Variants in CNTN6 observed in about 807,000 individuals in gnomAD.
CNTN6 encodes the protein contactin-6.
Under a neutral mutation model 122.8 loss-of-function variants are expected in CNTN6, and 137 were observed. The ratio of observed to expected loss-of-function variants is 1.12; its 90% CI spans 0.97 to 1.29. The LOEUF is 1.29. CNTN6 is among the 50% of genes most tolerant of loss of function. The pLI, the probability that CNTN6 is intolerant of heterozygous loss-of-function variation, is 0.00. For synonymous variants in CNTN6, 570 were observed against 426.0 expected (o/e 1.34, Z -4.16); for missense variants, 1,634 against 1,223.4 (o/e 1.34, Z -5.01).
chr3:1,278,036 T>C (rs1407855225), intron 4 of CNTN6, among the ~76,000 whole-genome samples: 2 of 152,188 alleles, frequency 1.3e-5, no homozygotes. Context: ...ATGGCAACCA[T>C]TAATCTAAGA....
intron 2 of CNTN6, among the ~76,000 whole-genome samples, chr3:1,149,524 CAGG>C (rs1260489628): frequency 4.6e-5 from 7 of 152,044 alleles, no homozygotes; most frequent in Non-Finnish European, 1.0e-4. Flanking sequence ...AGAAATCAAA[CAGG>C]AGAATCAGAA....
At chr3:1,192,434 A>T (rs1053404871) in intron 2 of CNTN6, among the ~76,000 whole-genome samples, 1 of 152,108 alleles carries the variant, frequency 6.6e-6, no homozygotes, top group Non-Finnish European at 1.5e-5. Context: ...GGTTGCAGGA[A>T]ACTGGAGCCC....
chr3:1,292,051 G>A (rs905148162), intron 5 of CNTN6, among the ~76,000 whole-genome samples: 1 of 151,886 alleles, frequency 6.6e-6, no homozygotes, highest in Non-Finnish European at 1.5e-5. Context: ...GCTACATCCC[G>A]AGTAGTGTTC....
chr3:1,385,689 A>C lies in CNTN6; in HGVS notation c.2596A>C (p.Ile866Leu), dbSNP rs1423730485. Residue 866 changes from isoleucine (I) to leucine (L), a missense_variant, in exon 20 of 23, where the codon ATC becomes CTC. Ile to Leu is a conservative substitution (Grantham distance 5, BLOSUM62 2). Coordinates refer to ENST00000446702, the MANE Select transcript of CNTN6 (RefSeq NM_001289080.2). ...RVSGNVTTKN[I>L]TGLKANTIYF... ...CAGTGGAAATGTCACAACCAAAAACATCACGGGGCTGAAAGCTAATACCAT... is the reference window on the plus strand; with the variant it reads ...CAGTGGAAATGTCACAACCAAAAACCTCACGGGGCTGAAAGCTAATACCAT... The C allele has an allele frequency of 3.1e-6, 5 of 1,614,068 alleles. No homozygotes were observed. The highest frequency in any genetic ancestry group is 1.1e-5 in the South Asian group (1 of 91,092).
intron 2 of CNTN6, among the ~76,000 whole-genome samples, chr3:1,189,642 C>T (rs1041600011): frequency 3.3e-5 from 5 of 152,108 alleles, no homozygotes; most frequent in Non-Finnish European, 7.4e-5. Flanking sequence ...ATTACATTGC[C>T]TCCTTCATGT....
chr3:1,293,320 C>T (rs1230671919), intron 5 of CNTN6, among the ~76,000 whole-genome samples: 1 of 151,220 alleles, frequency 6.6e-6, no homozygotes, highest in Non-Finnish European at 1.5e-5. Context: ...ATGCTTCATG[C>T]ATTTTTTTTT....
intron 4 of CNTN6, among the ~76,000 whole-genome samples, chr3:1,229,594 T>C (rs577303807): frequency 1.3e-5 from 2 of 152,336 alleles, no homozygotes; most frequent in East Asian, 1.9e-4. Context: ...CAAAAATATG[T>C]TTTAAAATGT....
At chr3:1,128,576 A>G (rs926343878) in intron 1 of CNTN6, among the ~76,000 whole-genome samples, 1 of 151,988 alleles carries the variant, frequency 6.6e-6, no homozygotes, top group Non-Finnish European at 1.5e-5. Flanking sequence ...ATATAAATCA[A>G]CGATTATCTA....
intron 1 of CNTN6, among the ~76,000 whole-genome samples, chr3:1,100,185 G>A (rs2090807598): frequency 6.6e-6 from 1 of 151,976 alleles, no homozygotes; most frequent in South Asian, 2.1e-4. Context: ...ACCATTTTAA[G>A]GTCATTCAAA....
At chr3:1,183,876 T>C (rs2093594031) in intron 2 of CNTN6, among the ~76,000 whole-genome samples, 1 of 152,200 alleles carries the variant, frequency 6.6e-6, no homozygotes, top group Non-Finnish European at 1.5e-5. Context: ...TGGGTTGTCA[T>C]GCGATGACTC....
chr3:1,125,415 A>G (rs545583787), intron 1 of CNTN6, among the ~76,000 whole-genome samples: 3 of 151,932 alleles, frequency 2.0e-5, no homozygotes, highest in African/African-American at 7.2e-5. Flanking sequence ...TTTTACATCA[A>G]TGGGCTTGGA....
At chr3:1,318,706 C>T (rs1421793324) in intron 7 of CNTN6, among the ~76,000 whole-genome samples, 2 of 151,864 alleles carry the variant, frequency 1.3e-5, no homozygotes, top group East Asian at 3.9e-4. Flanking sequence ...TGTCTCACAA[C>T]TAGGAGCACG....
chr3:1,209,256 C>T (rs1402003158), intron 2 of CNTN6, among the ~76,000 whole-genome samples: 2 of 152,126 alleles, frequency 1.3e-5, no homozygotes, highest in Non-Finnish European at 2.9e-5. Context: ...CATGTGTATA[C>T]CATTAGTTCA....
At chr3:1,220,627 G>C in intron 2 of CNTN6, 60 bp from the exon 3 acceptor site, 1 of 1,431,342 alleles carries the variant, frequency 7.0e-7, no homozygotes, top group Non-Finnish European at 9.5e-7. Flanking sequence ...ATTTAATATA[G>C]ACTTGCATTC....
At chr3:1,330,925 G>A (rs368353775) in intron 11 of CNTN6, among the ~76,000 whole-genome samples, 2 of 152,032 alleles carry the variant, frequency 1.3e-5, no homozygotes, top group African/African-American at 2.4e-5. Context: ...AACTAGGTTT[G>A]TAGAACTTCC....
chr3:1,148,183 A>T (rs1409137157), intron 2 of CNTN6, 120 bp downstream of exon 2: 2 of 735,300 alleles, frequency 2.7e-6, no homozygotes, highest in African/African-American at 3.5e-5. Context: ...ACTAAGTGAT[A>T]ATGTTTTGAA....
At chr3:1,320,817 C>T (rs1428792658) in intron 7 of CNTN6, among the ~76,000 whole-genome samples, 1 of 151,542 alleles carries the variant, frequency 6.6e-6, no homozygotes, top group African/African-American at 2.4e-5. Context: ...AAATTCATCC[C>T]TTATTGTTAA....
chr3:1,303,229 A>G (rs566397), intron 7 of CNTN6, among the ~76,000 whole-genome samples: 9,062 of 151,254 alleles, frequency 0.06, 942 homozygotes, highest in African/African-American at 0.21. Flanking sequence ...ATAACTGTTC[A>G]ATTTTAAATC....
At chr3:1,134,489 C>T (rs1439622527) in intron 1 of CNTN6, among the ~76,000 whole-genome samples, 1 of 152,094 alleles carries the variant, frequency 6.6e-6, no homozygotes, top group Admixed American at 6.6e-5. Flanking sequence ...GACATAATCC[C>T]CTCCACACTG....
Sources: allele counts gnomAD v4.1 joint callset (sites outside exome capture counted in the v4.1 genomes callset), GRCh38; gene constraint gnomAD v4.1.1; transcripts MANE v1.5; gene names NCBI Gene and HGNC (gene_info 2026-07-23, HGNC 2026-07-21).